Variants in LYAR observed in about 807,000 individuals in gnomAD.
LYAR encodes the protein cell growth-regulating nucleolar protein.
In LYAR, 37 loss-of-function variants were observed where a neutral mutation model predicts 45.2. That is an observed-to-expected ratio of 0.82 (90% confidence interval 0.63 to 1.08). The LOEUF (loss-of-function observed/expected upper bound fraction) is 1.08. Ranked by LOEUF, LYAR falls within the 50% of genes least tolerant of loss-of-function variation. LYAR has a pLI of 0.00. For synonymous variants in LYAR, 176 were observed against 155.1 expected (o/e 1.14, Z -1.00); for missense variants, 493 against 451.0 (o/e 1.09, Z -0.84).
intron 8 of LYAR, among the ~76,000 whole-genome samples, chr4:4,270,377 G>T (rs1718886776): frequency 6.9e-6 from 1 of 145,142 alleles, no homozygotes; most frequent in Non-Finnish European, 1.5e-5. Flanking sequence ...AAGATAAATT[G>T]ATAAATTGAA....
At chr4:4,279,098 G>C (rs1011697928) in intron 6 of LYAR, among the ~76,000 whole-genome samples, 1 of 152,066 alleles carries the variant, frequency 6.6e-6, no homozygotes, top group Non-Finnish European at 1.5e-5. Context: ...GCCAACGCAG[G>C]CAGGTCACCT....
chr4:4,267,858 G>T lies in LYAR; in HGVS notation c.*31C>A. The T allele has an allele frequency of 6.4e-7, 1 of 1,560,250 alleles. No individual in the cohort carries two copies. Among genetic ancestry groups the T allele is most frequent in the East Asian group, 2.4e-5 (1 of 42,514 alleles). ...CAGCAGTGAAAGGAAGAAGTCAGCA[G>T]AATGGATTCAATTTTTAAATACACA... On this transcript the variant is annotated 3_prime_UTR_variant, in exon 10 of 10. Transcript: ENST00000343470.
intron 2 of LYAR, among the ~76,000 whole-genome samples, chr4:4,285,480 G>C (rs189462072): frequency 1.3e-5 from 2 of 152,292 alleles, no homozygotes; most frequent in African/African-American, 4.8e-5. Context: ...GCCTGACAAG[G>C]GAGAACAAAG....
intron 6 of LYAR, among the ~76,000 whole-genome samples, chr4:4,278,351 T>C (rs143036209): frequency 1.1e-3 from 172 of 152,306 alleles, no homozygotes; most frequent in Admixed American, 3.2e-3. Flanking sequence ...GAAACTGATA[T>C]TTACACAAAA....
At chr4:4,269,327 T>C (rs573609442) in intron 8 of LYAR, among the ~76,000 whole-genome samples, 2 of 152,174 alleles carry the variant, frequency 1.3e-5, no homozygotes, top group Non-Finnish European at 2.9e-5. Flanking sequence ...AGAAAACTTT[T>C]GTATAATAAC....
At chr4:4,286,273 C>T (rs575659338) in intron 2 of LYAR, among the ~76,000 whole-genome samples, 112 of 152,244 alleles carry the variant, frequency 7.4e-4, no homozygotes, top group African/African-American at 2.6e-3. Context: ...TAGCCCCAGG[C>T]GAAAATACCT....
chr4:4,286,119 C>G (rs12108431), intron 2 of LYAR, among the ~76,000 whole-genome samples: 1 of 151,996 alleles, frequency 6.6e-6, no homozygotes, highest in South Asian at 2.1e-4. Flanking sequence ...TGCCTTCCTC[C>G]GGATTTTTAC....
rs533952531 is a variant in LYAR at position 4,273,374 on chromosome 4, G to A, written c.919+209C>T. On this transcript the variant is annotated intron_variant, in intron 8 of 9. Transcript: ENST00000343470. ...CCTTCCCCAGAAGGGGGCATCTCTC[G>A]GCCCCTCTCCCAACCTACAAGGGAC... Among the ~76,000 whole-genome samples the A allele has an allele frequency of 1.4e-3, 209 of 152,134 alleles. 7 individuals are homozygous for A. In the South Asian group the frequency reaches 0.042, roughly 31 times the overall value.
At chr4:4,287,072 A>T (rs1389313206) in intron 1 of LYAR, among the ~76,000 whole-genome samples, 3 of 152,208 alleles carry the variant, frequency 2.0e-5, no homozygotes, top group Non-Finnish European at 4.4e-5. Context: ...GATGTGACAG[A>T]TTTCAACATC....
chr4:4,279,920 C>T (rs568849717), intron 4 of LYAR, among the ~76,000 whole-genome samples, 171 bp from the exon 5 acceptor site: 98 of 152,284 alleles, frequency 6.4e-4, no homozygotes, highest in African/African-American at 2.1e-3. Context: ...TAACATAGTA[C>T]TGGAGTCCTA....
intron 2 of LYAR, among the ~76,000 whole-genome samples, chr4:4,284,021 C>T (rs754256852): frequency 1.3e-5 from 2 of 152,192 alleles, no homozygotes; most frequent in Non-Finnish European, 2.9e-5. Context: ...ATTCTAGAGG[C>T]TTTACATTTA....
chr4:4,274,624 T>C lies in LYAR; in HGVS notation c.575A>G (p.Lys192Arg). 1 of 1,614,092 alleles carries C rather than the reference T, an allele frequency of 6.2e-7. No homozygotes were observed. Among genetic ancestry groups the C allele is most frequent in the Non-Finnish European group, 8.5e-7 (1 of 1,180,008 alleles). The change falls in exon 7 of 10, where the codon AAG becomes AGG. Residue 192 changes from lysine (K) to arginine (R), a missense_variant. Physicochemically the swap from Lys to Arg is conservative, Grantham distance 26. Transcript: ENST00000343470. ...GEVKKNKRER[K>R]EERQKKRKRE... is the part of the protein sequence containing the mutation. ...TTTCCTTTTCTTCTGCCGTTCTTCC[T>C]TTCTTTCTCTTTTATTCTTCTTCAC...
At chr4:4,272,246 A>C (rs936944559) in intron 8 of LYAR, among the ~76,000 whole-genome samples, 2 of 152,236 alleles carry the variant, frequency 1.3e-5, no homozygotes, top group Non-Finnish European at 1.5e-5. Flanking sequence ...ACGCGGATAC[A>C]TAAGGACGCC....
chr4:4,273,129 C>T (rs753770652), intron 8 of LYAR, among the ~76,000 whole-genome samples: 11 of 152,092 alleles, frequency 7.2e-5, no homozygotes, highest in Non-Finnish European at 1.5e-4. Flanking sequence ...TGGGGAGGAG[C>T]GAAAGGGAAC....
At chr4:4,278,140 G>A (rs1719260775) in intron 6 of LYAR, among the ~76,000 whole-genome samples, 1 of 152,126 alleles carries the variant, frequency 6.6e-6, no homozygotes, top group Non-Finnish European at 1.5e-5. Flanking sequence ...CCACATAAAG[G>A]CCAATCTAAT....
At chr4:4,276,087 G>A (rs1719167471) in intron 6 of LYAR, among the ~76,000 whole-genome samples, 1 of 152,140 alleles carries the variant, frequency 6.6e-6, no homozygotes, top group South Asian at 2.1e-4. Context: ...CTCCCTCCCT[G>A]AGCCCCTTTC....
chr4:4,270,566 C>CA (rs914181639), intron 8 of LYAR, among the ~76,000 whole-genome samples: 1 of 143,558 alleles, frequency 7.0e-6, no homozygotes, highest in African/African-American at 2.6e-5. Context: ...AAACAACAAC[C>CA]AAAAAAACCC....
At chr4:4,287,137 G>C (rs1015822624) in intron 1 of LYAR, among the ~76,000 whole-genome samples, 7 of 152,172 alleles carry the variant, frequency 4.6e-5, no homozygotes, top group Non-Finnish European at 1.0e-4. Flanking sequence ...TCTAAATAGA[G>C]TCCTCTTTTC....
chr4:4,284,991 T>TGA (rs914697892), intron 2 of LYAR, among the ~76,000 whole-genome samples: 2 of 151,954 alleles, frequency 1.3e-5, no homozygotes, highest in Non-Finnish European at 2.9e-5. Flanking sequence ...TCACTGCCAG[T>TGA]GAGGCCACAC....
Sources: allele counts gnomAD v4.1 joint callset (sites outside exome capture counted in the v4.1 genomes callset), GRCh38; gene constraint gnomAD v4.1.1; transcripts MANE v1.5; gene names NCBI Gene and HGNC (gene_info 2026-07-23, HGNC 2026-07-21).